The following CHD3 variants were observed in gnomAD, a reference collection of about 807,000 sequenced individuals.
CHD3 encodes chromodomain helicase DNA binding protein 3.
Under a neutral mutation model 248.9 loss-of-function variants are expected in CHD3, and 52 were observed. The ratio of observed to expected loss-of-function variants is 0.21; its 90% CI spans 0.17 to 0.26. The LOEUF is 0.26. Ranked by LOEUF, CHD3 falls within the 10% of genes least tolerant of loss-of-function variation. CHD3 has a pLI of 1.00. For synonymous variants in CHD3, 985 were observed against 985.2 expected (o/e 1.00, Z 0.00); for missense variants, 1,482 against 2,605.8 (o/e 0.57, Z 9.39).
In CHD3 at chr17:7,908,622, C is replaced by T; in HGVS notation, c.5262-75C>T. 15 of 1,599,070 alleles carry T rather than the reference C, an allele frequency of 9.4e-6. No individual in the cohort carries two copies. The highest frequency in any genetic ancestry group is 1.2e-5 in the Non-Finnish European group (14 of 1,168,298). On this transcript the variant is annotated intron_variant, in intron 35 of 39. Coordinates refer to ENST00000330494, the MANE Select transcript of CHD3 (RefSeq NM_001005273.3). This position sits in a 1 kb window ranked among gnomAD's most constrained non-coding sequence, Gnocchi z 5.8. ...TAGTGCCACACTTTGGGGAGTCAAG[C>T]CAAAAGGAAGAAGTGTTCAAAGCCA...
Position 7,911,621 on chromosome 17 carries a change from C to G in CHD3, c.*36C>G. ...GGCCTGCCCTTCACCCAGGCCCCGT[C>G]CCCGAGGCCGACCCCCAGCTCAAGC... On this transcript the variant is annotated 3_prime_UTR_variant, in exon 40 of 40. Transcript: ENST00000330494. The surrounding 1 kb of genome is among the most constrained non-coding windows in gnomAD (Gnocchi z 5.4). 6.2e-7 allele frequency: 1 copy of G among 1,613,116 alleles called. No individual in the cohort carries two copies. Among genetic ancestry groups the G allele is most frequent in the Non-Finnish European group, 8.5e-7 (1 of 1,179,398 alleles).
chr17:7,908,072 A>T lies in CHD3; in HGVS notation c.5152+53A>T. The stretch of plus-strand genomic sequence containing the variant: ...TCCTCAAGGGGATCTGCTCATCCTC[A>T]TGGGGTTTCTCGTTTTGCCTGAGGC... On this transcript the variant is annotated intron_variant, in intron 34 of 39. Coordinates refer to ENST00000330494, the MANE Select transcript of CHD3 (RefSeq NM_001005273.3). The surrounding 1 kb of genome is among the most constrained non-coding windows in gnomAD (Gnocchi z 5.8). 5.9e-6 allele frequency: 9 copies of T among 1,538,290 alleles called. No homozygotes were observed. Among genetic ancestry groups the T allele is most frequent in the Non-Finnish European group, 7.9e-6 (9 of 1,141,316 alleles).
Position 7,907,208 on chromosome 17 carries a change from A to G in CHD3, c.4749A>G (p.Pro1583=), listed in dbSNP as rs1971076662. The part of the protein sequence containing the change: ...KEEAENQEEK[P]EKNSRIGEKM... Reference sequence around the variant, plus strand: ...AAGCTGAAAACCAGGAGGAAAAGCCAGAGAAGAACAGCAGAATTGGGGAGA... The same window carrying G: ...AAGCTGAAAACCAGGAGGAAAAGCCGGAGAAGAACAGCAGAATTGGGGAGA... Residue 1583 remains proline (P), a synonymous_variant, in exon 31 of 40, where the codon CCA becomes CCG. Transcript: ENST00000330494. The surrounding 1 kb of genome is among the most constrained non-coding windows in gnomAD (Gnocchi z 4.3). 4 of 1,614,260 alleles carry G rather than the reference A, an allele frequency of 2.5e-6. No homozygotes were observed. Among genetic ancestry groups the G allele is most frequent in the Non-Finnish European group, 2.5e-6 (3 of 1,180,032 alleles).
chr17:7,893,659 G>A (rs908810375), intron 5 of CHD3, 90 bp downstream of exon 5: 298 of 1,528,442 alleles, frequency 1.9e-4, no homozygotes, highest in Non-Finnish European at 2.6e-4. Flanking sequence ...TCCCAGCCCT[G>A]ATTGCTGGAG....
At chr17:7,901,506 T>G (rs1334340753) in intron 20 of CHD3, 131 bp downstream of exon 20, 9 of 216,502 alleles carry the variant, frequency 4.2e-5, no homozygotes, top group Admixed American at 2.0e-4. Flanking sequence ...CTGTAAGAGT[T>G]TTTTTTTTTT....
At position 7,911,508 on chromosome 17, in the gene CHD3, ATGG is replaced by A. The variant is rs773185315; in HGVS notation, c.5930_5932del (p.Val1977del). 1 of 1,614,192 alleles carries A rather than the reference ATGG, an allele frequency of 6.2e-7. No individual in the cohort carries two copies. On this transcript the variant is annotated inframe_deletion, in exon 40 of 40. Transcript: ENST00000330494. This position sits in a 1 kb window ranked among gnomAD's most constrained non-coding sequence, Gnocchi z 5.4. ...AGTGCTTGTGAAGAAGGAGAAGGAA[ATGG>A]TGGGGGCATTGGTGTCAGACGGGCT... is the stretch of plus-strand genomic sequence containing the variant.
chr17:7,890,080 G>C (rs1304611828), intron 2 of CHD3, among the ~76,000 whole-genome samples: 1 of 152,216 alleles, frequency 6.6e-6, no homozygotes, highest in Non-Finnish European at 1.5e-5. Flanking sequence ...GCATTCCTCT[G>C]TCTAGGATAC....
At position 7,900,159 on chromosome 17, in the gene CHD3, A is replaced by AGAG. The variant is rs1970138064; in HGVS notation, c.2682+128_2683-127dup. On this transcript the variant is annotated intron_variant, in intron 16 of 39. Transcript: ENST00000330494. This position sits in a 1 kb window ranked among gnomAD's most constrained non-coding sequence, Gnocchi z 6.5. ...GGAGGACGTCCAGGTTGGAAGAGGG[A>AGAG]GAGGGCCAGAGATTTGGGGCCTCTG... 1 of 1,521,614 alleles carries AGAG rather than the reference A, an allele frequency of 6.6e-7. No homozygotes were observed. Among genetic ancestry groups the AGAG allele is most frequent in the Non-Finnish European group, 8.9e-7 (1 of 1,121,786 alleles). The allele number at this position is 1,521,614 out of a possible 1,614,324, so 94.3% of individuals were successfully genotyped here.
At chr17:7,898,982 T>A (rs1228822158) in intron 13 of CHD3, 29 bp from the exon 14 acceptor site, 2 of 1,605,742 alleles carry the variant, frequency 1.2e-6, no homozygotes, top group Admixed American at 1.7e-5. Context: ...GACTATTTCC[T>A]TGAGCTTTCT....
At position 7,902,975 on chromosome 17, in the gene CHD3, C is replaced by T. The variant is rs774094485; in HGVS notation, c.3409C>T (p.Arg1137Ter). The change falls in exon 22 of 40, where the codon CGA becomes TGA. Residue 1137 changes from arginine (R) to a stop codon, truncating the protein, a stop_gained. Coordinates refer to ENST00000330494, the MANE Select transcript of CHD3 (RefSeq NM_001005273.3). LOFTEE classifies it high-confidence loss of function. ...AQQFCFLLSTRAGGLGINLAT... is the reference protein window; with the variant it reads ...AQQFCFLLST The stretch of plus-strand genomic sequence containing the variant: ...ACAATTCTGCTTCCTCCTGTCCACC[C>T]GAGCTGGGGGCCTGGGCATCAATCT... 6.2e-7 allele frequency: 1 copy of T among 1,614,058 alleles called. No homozygotes were observed. Among genetic ancestry groups the T allele is most frequent in the Non-Finnish European group, 8.5e-7 (1 of 1,180,022 alleles).
At chr17:7,892,357 T>C (rs1324857002) in intron 4 of CHD3, among the ~76,000 whole-genome samples, 2 of 152,218 alleles carry the variant, frequency 1.3e-5, no homozygotes, top group African/African-American at 4.8e-5. Context: ...AAGAGTATTA[T>C]TGTGAGGACA....
At position 7,903,338 on chromosome 17, in the gene CHD3, G is replaced by A. The variant is rs1314577386; in HGVS notation, c.3562G>A (p.Ala1188Thr). 1.9e-6 allele frequency: 3 copies of A among 1,614,196 alleles called. No homozygotes were observed. The highest frequency in any genetic ancestry group is 2.5e-6 in the Non-Finnish European group (3 of 1,180,042). ...KVMIYRFVTRASVEERITQVA... is the reference protein window; with the variant it reads ...KVMIYRFVTRTSVEERITQVA... Reference sequence around the variant, plus strand: ...GATGATTTACCGGTTTGTGACTCGCGCGTCAGTGGAAGAGCGAATCACACA... The same window carrying A: ...GATGATTTACCGGTTTGTGACTCGCACGTCAGTGGAAGAGCGAATCACACA... The change falls in exon 23 of 40, where the codon GCG (alanine) becomes ACG (threonine). Residue 1188 changes from alanine (A) to threonine (T), a missense_variant. This residue lies in a region of CHD3 where 156 missense variants were observed against 420.3 expected (regional missense o/e 0.37). Transcript: ENST00000330494. This position sits in a 1 kb window ranked among gnomAD's most constrained non-coding sequence, Gnocchi z 6.8.
chr17:7,908,336 T>C lies in CHD3; in HGVS notation c.5153-66T>C. Reference sequence around the variant, plus strand: ...ATTATTCAGTTTCTCCATCTCTACCTGTCTGTTGGACTGAGTGCAGTCTGC... The same window carrying C: ...ATTATTCAGTTTCTCCATCTCTACCCGTCTGTTGGACTGAGTGCAGTCTGC... On this transcript the variant is annotated intron_variant, in intron 34 of 39. Coordinates refer to ENST00000330494, the MANE Select transcript of CHD3 (RefSeq NM_001005273.3). The surrounding 1 kb of genome is among the most constrained non-coding windows in gnomAD (Gnocchi z 5.8). 8.0e-7 allele frequency: 1 copy of C among 1,246,604 alleles called. No individual in the cohort carries two copies. The highest frequency in any genetic ancestry group is 1.5e-5 in the African/African-American group (1 of 67,802). 77.2% of individuals were successfully genotyped at this position (1,246,604 alleles called of 1,614,324 possible).
At position 7,908,853 on chromosome 17, in the gene CHD3, C is replaced by A; in HGVS notation, c.5394+24C>A. 6.2e-7 allele frequency: 1 copy of A among 1,613,788 alleles called. No homozygotes were observed. Among genetic ancestry groups the A allele is most frequent in the Non-Finnish European group, 8.5e-7 (1 of 1,179,822 alleles). On this transcript the variant is annotated intron_variant, in intron 36 of 39. Coordinates refer to ENST00000330494, the MANE Select transcript of CHD3 (RefSeq NM_001005273.3). The surrounding 1 kb of genome is among the most constrained non-coding windows in gnomAD (Gnocchi z 5.8). Reference sequence around the variant, plus strand: ...AGGTGGGAATGAGGGAGGAAAGGAGCGGGTTATAGACGGGCTTGGGTCAGA... The same window carrying A: ...AGGTGGGAATGAGGGAGGAAAGGAGAGGGTTATAGACGGGCTTGGGTCAGA...
Position 7,906,798 on chromosome 17 carries a change from G to A in CHD3, c.4504-71G>A, listed in dbSNP as rs1971014347. ...TTGTAAGCTTGCGCTGGTGTGAGAC[G>A]GAGGAGACTGGAGCTTCCTGTCTGT... On this transcript the variant is annotated intron_variant, in intron 29 of 39. Coordinates refer to ENST00000330494, the MANE Select transcript of CHD3 (RefSeq NM_001005273.3). This position sits in a 1 kb window ranked among gnomAD's most constrained non-coding sequence, Gnocchi z 5.0. The A allele has an allele frequency of 1.2e-5, 19 of 1,597,888 alleles. No homozygotes were observed. In the South Asian group the frequency reaches 1.9e-4, roughly 16 times the overall value.
At chr17:7,884,988 G>C, upstream of CHD3, 2 of 1,243,088 alleles carry the variant, frequency 1.6e-6, no homozygotes, top group East Asian at 3.3e-5. Flanking sequence ...CACGACCGGG[G>C]CCGCGACCGC....
Position 7,908,611 on chromosome 17 carries a change from G to C in CHD3, c.5262-86G>C, listed in dbSNP as rs1235115072. The C allele has an allele frequency of 6.3e-7, 1 of 1,589,512 alleles. No homozygotes were observed. Among genetic ancestry groups the C allele is most frequent in the Non-Finnish European group, 8.6e-7 (1 of 1,159,850 alleles). On this transcript the variant is annotated intron_variant, in intron 35 of 39. Coordinates refer to ENST00000330494, the MANE Select transcript of CHD3 (RefSeq NM_001005273.3). The surrounding 1 kb of genome is among the most constrained non-coding windows in gnomAD (Gnocchi z 5.8). Reference sequence around the variant, plus strand: ...AGGGACAGGGCTAGTGCCACACTTTGGGGAGTCAAGCCAAAAGGAAGAAGT... The same window carrying C: ...AGGGACAGGGCTAGTGCCACACTTTCGGGAGTCAAGCCAAAAGGAAGAAGT...
chr17:7,901,421 C>A, intron 20 of CHD3, 46 bp downstream of exon 20: 4 of 1,492,924 alleles, frequency 2.7e-6, no homozygotes, highest in Non-Finnish European at 3.6e-6. Context: ...CCTCTTCCCT[C>A]TCCTCATCCT....
At chr17:7,892,496 C>CT (rs34196029) in intron 4 of CHD3, among the ~76,000 whole-genome samples, 6,701 of 112,512 alleles carry the variant, frequency 0.06, 367 homozygotes, top group Non-Finnish European at 0.089. Flanking sequence ...TTTATTTCCC[C>CT]TTTTTTTTTT....
Sources: allele counts gnomAD v4.1 joint callset (sites outside exome capture counted in the v4.1 genomes callset), GRCh38; gene constraint gnomAD v4.1.1; regional missense constraint gnomAD v4.1.1; non-coding constraint Gnocchi (gnomAD v3.1); transcripts MANE v1.5; gene names NCBI Gene and HGNC (gene_info 2026-07-23, HGNC 2026-07-21).